The following ADGRV1 variants were observed in gnomAD, a reference collection of about 807,000 sequenced individuals.
The protein encoded by ADGRV1 is G-protein coupled receptor 98.
A neutral mutation model predicts 596.2 loss-of-function variants in ADGRV1; 359 were observed. The ratio of observed to expected loss-of-function variants is 0.60; its 90% confidence interval spans 0.55 to 0.66. The LOEUF (loss-of-function observed/expected upper bound fraction) is 0.66. ADGRV1 is among the 30% of genes least tolerant of loss of function. ADGRV1 has a pLI of 0.00. For synonymous variants in ADGRV1, 2,681 were observed against 2,679.2 expected, an observed-to-expected ratio of 1.00 and a Z score of -0.02; for missense variants, 7,274 against 7,575.6, an observed-to-expected ratio of 0.96 and a Z score of 1.48.
At chr5:90,815,865 G>T in intron 75 of ADGRV1, 129 bp downstream of exon 75, 1 of 614,318 alleles carries the variant, frequency 1.6e-6, no homozygotes, top group African/African-American at 1.8e-5. Flanking sequence ...CACGTCTTCA[G>T]ATGCTCTAGT....
chr5:91,085,986 C>T (rs748606435), intron 86 of ADGRV1, among the ~76,000 whole-genome samples: 3 of 152,176 alleles, frequency 2.0e-5, no homozygotes, highest in Non-Finnish European at 4.4e-5. Flanking sequence ...ACCAAATCCA[C>T]TGACCACTCT....
rs776854385 is a variant in ADGRV1 at position 90,706,402 on chromosome 5, TC to T, written c.8730+9del. On this transcript the variant is annotated intron_variant, in intron 38 of 89. Transcript: ENST00000405460. ...AACATTACCATTCTTGAGGTAAAAC[TC>T]TTTTTTTTTTTTAATCTTAGGGGGA... 4 of 1,453,556 alleles carry T rather than the reference TC, an allele frequency of 2.8e-6. No homozygotes were observed. The East Asian group carries it at 8.0e-5, about 29-fold the overall frequency. The allele number at this position is 1,453,556 out of a possible 1,614,324, so 90.0% of individuals were successfully genotyped here. A position where few individuals can be genotyped will look rare whatever the true frequency, so the allele number is the denominator to read the frequency against.
chr5:91,129,951 A>AT (rs1794075484), intron 87 of ADGRV1, among the ~76,000 whole-genome samples: 1 of 152,124 alleles, frequency 6.6e-6, no homozygotes, highest in Non-Finnish European at 1.5e-5. Context: ...AAAGAAAAAA[A>AT]TTTTTAAGAA....
intron 85 of ADGRV1, among the ~76,000 whole-genome samples, chr5:91,042,547 T>C (rs1411227885): frequency 6.6e-6 from 1 of 152,186 alleles, no homozygotes; most frequent in Admixed American, 6.5e-5. Flanking sequence ...TCTTTTTTTT[T>C]TATTATACTT....
chr5:90,633,931 G>A (rs931083360), intron 9 of ADGRV1, among the ~76,000 whole-genome samples: 1 of 151,834 alleles, frequency 6.6e-6, no homozygotes, highest in Admixed American at 6.6e-5. Flanking sequence ...ACTATCCATC[G>A]CAAAATAGGA....
intron 1 of ADGRV1, among the ~76,000 whole-genome samples, chr5:90,579,097 C>T (rs912090967): frequency 3.0e-4 from 46 of 152,076 alleles, no homozygotes; most frequent in African/African-American, 1.1e-3. Flanking sequence ...TTTTGTGTCT[C>T]TGTCTCCTTC....
chr5:91,063,701 T>C (rs1035294364), intron 85 of ADGRV1, among the ~76,000 whole-genome samples: 1 of 152,224 alleles, frequency 6.6e-6, no homozygotes, highest in African/African-American at 2.4e-5. Context: ...TCAAATTTGC[T>C]TCAGCCTCAA....
intron 87 of ADGRV1, among the ~76,000 whole-genome samples, chr5:91,102,673 C>T (rs1791491585): frequency 6.6e-6 from 1 of 152,148 alleles, no homozygotes; most frequent in African/African-American, 2.4e-5. Flanking sequence ...GATCAATGCA[C>T]ATATTTGGAT....
chr5:90,569,623 T>C (rs1756263163), intron 1 of ADGRV1, among the ~76,000 whole-genome samples: 1 of 151,226 alleles, frequency 6.6e-6, no homozygotes, highest in Non-Finnish European at 1.5e-5. Context: ...CTATGTCCCT[T>C]TTCATCCCCT....
chr5:90,787,363 G>A (rs1469694744), intron 67 of ADGRV1, among the ~76,000 whole-genome samples: 1 of 152,120 alleles, frequency 6.6e-6, no homozygotes, highest in East Asian at 1.9e-4. Context: ...CTACAGCAGA[G>A]TTTTTCCATG....
intron 87 of ADGRV1, among the ~76,000 whole-genome samples, chr5:91,145,557 G>GA (rs1043607214): frequency 6.6e-6 from 1 of 150,380 alleles, no homozygotes; most frequent in Non-Finnish European, 1.5e-5. Flanking sequence ...TTTTCAGGAA[G>GA]ATTTGTTTCT....
intron 1 of ADGRV1, among the ~76,000 whole-genome samples, chr5:90,596,311 C>T (rs968704231): frequency 7.3e-5 from 11 of 150,640 alleles, no homozygotes; most frequent in African/African-American, 2.5e-4. Flanking sequence ...CCAGACTGGG[C>T]AACCAGGCAG....
At chr5:90,732,283 A>C (rs1243006346) in intron 50 of ADGRV1, among the ~76,000 whole-genome samples, 1 of 152,198 alleles carries the variant, frequency 6.6e-6, no homozygotes, top group Non-Finnish European at 1.5e-5. Flanking sequence ...GTCATGAGAC[A>C]CTGTGCCCAA....
At position 90,785,344 on chromosome 5, in the gene ADGRV1, G is replaced by C. The variant is rs564909692; in HGVS notation, c.13653+1287G>C. On this transcript the variant is annotated intron_variant, in intron 67 of 89. Transcript: ENST00000405460. Reference sequence around the variant, plus strand: ...CAATACCATTCAGGACATAGGCGTGGGCAAGGACTTCATGTCTAAAACACC... The same window carrying C: ...CAATACCATTCAGGACATAGGCGTGCGCAAGGACTTCATGTCTAAAACACC... Among the ~76,000 whole-genome samples the C allele has an allele frequency of 2.6e-5, 4 of 152,228 alleles. No individual in the cohort carries two copies. The East Asian group carries it at 7.7e-4, about 29-fold the overall frequency.
At chr5:90,805,593 C>A in intron 72 of ADGRV1, 135 bp downstream of exon 72, 1 of 678,742 alleles carries the variant, frequency 1.5e-6, no homozygotes, top group Non-Finnish European at 2.3e-6. Flanking sequence ...TTTAAGTGAT[C>A]AGAGTAGTGC....
intron 89 of ADGRV1, among the ~76,000 whole-genome samples, chr5:91,158,899 G>GGATA (rs1179867066): frequency 7.3e-6 from 1 of 137,270 alleles, no homozygotes; most frequent in South Asian, 2.4e-4. Context: ...ATGGATGGAT[G>GGATA]GATAGATGCA....
chr5:90,840,694 A>G lies in ADGRV1; in HGVS notation c.16728A>G (p.Val5576=). The stretch of plus-strand genomic sequence containing the variant: ...TTGAACCTGGCCAGAGAAGCACTGT[A>G]TTGGATGTCATCCTAACGCCAGAGA... The part of the protein sequence containing the change: ...LVFEPGQRST[V]LDVILTPETG... The change falls in exon 78 of 90, where the codon GTA becomes GTG. Residue 5576 remains valine (V), a synonymous_variant. Coordinates refer to ENST00000405460, the MANE Select transcript of ADGRV1 (RefSeq NM_032119.4). 6.2e-7 allele frequency: 1 copy of G among 1,614,054 alleles called. No homozygotes were observed. The highest frequency in any genetic ancestry group is 8.5e-7 in the Non-Finnish European group (1 of 1,179,898).
chr5:90,899,686 CTT>C (rs775172830), intron 83 of ADGRV1, among the ~76,000 whole-genome samples: 3 of 152,162 alleles, frequency 2.0e-5, no homozygotes, highest in Non-Finnish European at 2.9e-5. Flanking sequence ...CCTTCAGACA[CTT>C]TTTATTTTTC....
intron 22 of ADGRV1, 61 bp downstream of exon 22, chr5:90,672,783 G>C (rs1580687661): frequency 7.9e-7 from 1 of 1,260,554 alleles, no homozygotes; most frequent in Non-Finnish European, 1.1e-6. Context: ...TGAAGTGTTT[G>C]TTCTGTAATT....
Sources: allele counts gnomAD v4.1 joint callset (sites outside exome capture counted in the v4.1 genomes callset), GRCh38; gene constraint gnomAD v4.1.1; transcripts MANE v1.5; gene names NCBI Gene and HGNC (gene_info 2026-07-23, HGNC 2026-07-21).